Variants in GSK3B observed in about 807,000 individuals in gnomAD.
GSK3B encodes the protein glycogen synthase kinase 3 beta.
In GSK3B, 15 loss-of-function variants were observed where a neutral mutation model predicts 56.4. The ratio of observed to expected loss-of-function variants is 0.27; its 90% CI spans 0.18 to 0.41. The LOEUF is 0.41. Among genes scored for constraint, GSK3B ranks in the 10% least tolerant of loss-of-function variants. GSK3B has a pLI of 1.00. For missense variants in GSK3B, 300 were observed against 513.4 expected (o/e 0.58, Z 4.02); for synonymous variants, 181 against 188.9 (o/e 0.96, Z 0.34).
chr3:119,989,354 G>C (rs2057542934), intron 2 of GSK3B, among the ~76,000 whole-genome samples: 1 of 152,096 alleles, frequency 6.6e-6, no homozygotes, highest in African/African-American at 2.4e-5. Context: ...AAAGAAATAA[G>C]AAATCTTGCT....
chr3:119,942,268 G>C (rs1405739868), intron 3 of GSK3B, among the ~76,000 whole-genome samples: 1 of 152,048 alleles, frequency 6.6e-6, no homozygotes, highest in Non-Finnish European at 1.5e-5. Flanking sequence ...AAAATTTAAG[G>C]ATCTTGTGAA....
intron 2 of GSK3B, among the ~76,000 whole-genome samples, chr3:119,970,509 C>T (rs749253816): frequency 4.6e-5 from 7 of 151,442 alleles, no homozygotes; most frequent in African/African-American, 4.9e-5. Context: ...CGGTGGCTCA[C>T]GCCTGTAATC....
intron 3 of GSK3B, among the ~76,000 whole-genome samples, chr3:119,938,047 C>A (rs769736185): frequency 6.6e-6 from 1 of 151,876 alleles, no homozygotes; most frequent in Non-Finnish European, 1.5e-5. Flanking sequence ...CCTACAAATA[C>A]ACAGATTATC....
chr3:119,912,775 G>A lies in GSK3B; in HGVS notation c.644C>T (p.Ser215Leu). ...KQLVRGEPNV[S>L]YICSRYYRAP... ...CCTATAGTACCGAGAACAGATATAC[G>A]AAACATTGGGTTCTCCTCGGACCAG... The change falls in exon 6 of 11, where the codon TCG (serine) becomes TTG (leucine). Residue 215 changes from serine to leucine, a missense_variant. Around this residue, in one of 6 missense-constraint regions of GSK3B, gnomAD observed 39 missense variants for 154.6 expected, o/e 0.25. Transcript: ENST00000264235. 6.3e-7 allele frequency: 1 copy of A among 1,597,402 alleles called. No individual in the cohort carries two copies. The highest frequency in any genetic ancestry group is 1.3e-5 in the African/African-American group (1 of 74,554).
intron 1 of GSK3B, among the ~76,000 whole-genome samples, chr3:120,027,173 A>T (rs901200854): frequency 6.6e-6 from 1 of 151,652 alleles, no homozygotes; most frequent in Admixed American, 6.6e-5. Flanking sequence ...TCAGGAGTTC[A>T]AGACCAGTGT....
chr3:119,917,305 T>C (rs956521956), intron 4 of GSK3B, among the ~76,000 whole-genome samples: 2 of 152,188 alleles, frequency 1.3e-5, no homozygotes, highest in African/African-American at 4.8e-5. Context: ...ATCCTTGAAG[T>C]TAATGTGAAC....
At chr3:120,086,675 GTC>G (rs2058465736) in intron 1 of GSK3B, among the ~76,000 whole-genome samples, 1 of 152,034 alleles carries the variant, frequency 6.6e-6, no homozygotes, top group African/African-American at 2.4e-5. Context: ...CATGCCTATA[GTC>G]CCAGTTACTC....
At chr3:120,065,942 G>A (rs1261534951) in intron 1 of GSK3B, among the ~76,000 whole-genome samples, 2 of 152,152 alleles carry the variant, frequency 1.3e-5, no homozygotes, top group African/African-American at 4.8e-5. Context: ...TGCCAGGTCT[G>A]GGGCAAGGGG....
chr3:119,874,354 A>G (rs1047329899), intron 8 of GSK3B, among the ~76,000 whole-genome samples: 3 of 152,124 alleles, frequency 2.0e-5, no homozygotes, highest in African/African-American at 7.2e-5. Context: ...AGGCACAGTA[A>G]GAGGTTAACA....
intron 1 of GSK3B, among the ~76,000 whole-genome samples, chr3:120,070,060 A>G (rs1317702003): frequency 6.6e-6 from 1 of 152,020 alleles, no homozygotes; most frequent in African/African-American, 2.4e-5. Flanking sequence ...TAAAAATACA[A>G]AAATTAGCTG....
intron 9 of GSK3B, among the ~76,000 whole-genome samples, chr3:119,849,279 G>A (rs2055896402): frequency 6.6e-6 from 1 of 152,090 alleles, no homozygotes; most frequent in Admixed American, 6.6e-5. Context: ...CCCAGGATAG[G>A]GAGATAAAAA....
At chr3:119,916,687 G>C (rs2056784866) in intron 4 of GSK3B, among the ~76,000 whole-genome samples, 1 of 152,172 alleles carries the variant, frequency 6.6e-6, no homozygotes, top group Non-Finnish European at 1.5e-5. Context: ...CAAGGTGATT[G>C]ATACAGTGGT....
chr3:119,995,866 T>C (rs1173991190), intron 2 of GSK3B, among the ~76,000 whole-genome samples: 3 of 151,464 alleles, frequency 2.0e-5, no homozygotes, highest in Non-Finnish European at 2.9e-5. Context: ...GCCTTCCAAA[T>C]AGCTGGGACT....
intron 1 of GSK3B, among the ~76,000 whole-genome samples, chr3:120,062,435 G>A (rs1447487106): frequency 2.0e-5 from 3 of 151,928 alleles, no homozygotes; most frequent in African/African-American, 7.3e-5. Context: ...AAAGTCTAAG[G>A]GGAAAAAAAG....
chr3:119,827,057 T>G (rs2055522183), intron 10 of GSK3B, among the ~76,000 whole-genome samples: 1 of 152,214 alleles, frequency 6.6e-6, no homozygotes, highest in South Asian at 2.1e-4. Flanking sequence ...ATGGTCCTGG[T>G]ACCGGGAAGA....
chr3:120,024,109 C>T (rs1157800769), intron 1 of GSK3B, among the ~76,000 whole-genome samples: 1 of 152,080 alleles, frequency 6.6e-6, no homozygotes, highest in African/African-American at 2.4e-5. Context: ...GAGAGGACTG[C>T]TGTTTGAGCC....
chr3:119,902,761 G>A (rs772392446), intron 7 of GSK3B, among the ~76,000 whole-genome samples: 39 of 152,166 alleles, frequency 2.6e-4, no homozygotes, highest in Non-Finnish European at 4.9e-4. Context: ...TGTCACACAG[G>A]TGGAGTACAG....
chr3:120,031,167 G>T (rs1324355854), intron 1 of GSK3B, among the ~76,000 whole-genome samples: 3 of 152,122 alleles, frequency 2.0e-5, no homozygotes, highest in South Asian at 2.1e-4. Context: ...TTCAAAAAAG[G>T]TATAAAATAA....
Position 119,865,464 on chromosome 3 carries a change from ATATTTTTTTT to A in GSK3B, c.910-1869_910-1860del, listed in dbSNP as rs1471398887. Among the ~76,000 whole-genome samples the A allele has an allele frequency of 4.3e-3, 124 of 28,510 alleles. 1 individual carries two copies. The East Asian group carries it at 0.067, about 15-fold the overall frequency. 18.7% of individuals were successfully genotyped at this position (28,510 alleles called of 152,430 possible). A position where few individuals can be genotyped will look rare whatever the true frequency, so the allele number is the denominator to read the frequency against. ...TATATATATATATATATATATATAT[ATATTTTTTTT>A]TTTTTTTTTTTTTTTGAGATGGAGT... is the stretch of plus-strand genomic sequence containing the variant. On this transcript the variant is annotated intron_variant, in intron 8 of 10. Transcript: ENST00000264235.
Sources: allele counts gnomAD v4.1 joint callset (sites outside exome capture counted in the v4.1 genomes callset), GRCh38; gene constraint gnomAD v4.1.1; regional missense constraint gnomAD v4.1.1; transcripts MANE v1.5; gene names NCBI Gene and HGNC (gene_info 2026-07-23, HGNC 2026-07-21).